The following PCDHGA11 variants were observed in gnomAD, a reference collection of about 807,000 sequenced individuals.
PCDHGA11 encodes the protein protocadherin gamma subfamily A, 11.
PCDHGA11 carries 39 observed loss-of-function variants against 60.4 expected under a neutral mutation model. That is an observed-to-expected ratio of 0.65 (90% confidence interval 0.50 to 0.84). The LOEUF is 0.84. Ranked by LOEUF, PCDHGA11 falls within the 40% of genes least tolerant of loss-of-function variation. The probability of loss-of-function intolerance (pLI) is 0.00; values close to 1 mark genes in which losing one functional copy is unlikely to be tolerated. For synonymous variants in PCDHGA11, 533 were observed against 510.3 expected (o/e 1.04, Z -0.60); for missense variants, 1,165 against 1,197.7 (o/e 0.97, Z 0.40).
chr5:141,475,938 G>T (rs756781296), intron 1 of PCDHGA11: 22 of 682,776 alleles, frequency 3.2e-5, no homozygotes, highest in African/African-American at 7.2e-5. Flanking sequence ...GCCCCTGCCC[G>T]TCCCCTTTCT....
At chr5:141,469,543 C>G (rs1031152008) in intron 1 of PCDHGA11, among the ~76,000 whole-genome samples, 4 of 152,040 alleles carry the variant, frequency 2.6e-5, no homozygotes, top group Non-Finnish European at 4.4e-5. Flanking sequence ...CCACTGCACT[C>G]CAGCCTGGCG....
chr5:141,425,559 G>A (rs1180113940), intron 1 of PCDHGA11, among the ~76,000 whole-genome samples: 2 of 152,176 alleles, frequency 1.3e-5, no homozygotes, highest in East Asian at 3.9e-4. Context: ...TCTTTTATAA[G>A]TGATAAGAAG....
At chr5:141,478,488 G>A in intron 1 of PCDHGA11, 1 of 1,613,320 alleles carries the variant, frequency 6.2e-7, no homozygotes, top group Non-Finnish European at 8.5e-7. Context: ...ACGCTGCGGA[G>A]CTGTGATCCG....
chr5:141,485,383 G>C lies in PCDHGA11; in HGVS notation c.2434-9424G>C. 6.2e-7 allele frequency: 1 copy of C among 1,614,128 alleles called. No individual in the cohort carries two copies. Among genetic ancestry groups the C allele is most frequent in the Non-Finnish European group, 8.5e-7 (1 of 1,180,020 alleles). On this transcript the variant is annotated intron_variant, in intron 1 of 3. Coordinates refer to ENST00000398587, the MANE Select transcript of PCDHGA11 (RefSeq NM_018914.3). The surrounding 1 kb of genome is among the most constrained non-coding windows in gnomAD (Gnocchi z 5.7). Reference sequence around the variant, plus strand: ...GCAGGCTGCAGGTCGCTGGAGAGGTGAACCAAAGACACTTCCGTGTGGATT... The same window carrying C: ...GCAGGCTGCAGGTCGCTGGAGAGGTCAACCAAAGACACTTCCGTGTGGATT...
At chr5:141,443,109 C>A (rs373919534) in intron 1 of PCDHGA11, among the ~76,000 whole-genome samples, 2 of 152,100 alleles carry the variant, frequency 1.3e-5, no homozygotes, top group South Asian at 2.1e-4. Flanking sequence ...CTGAACCTTG[C>A]TTTTCAAACC....
chr5:141,432,969 C>T lies in PCDHGA11; in HGVS notation c.2433+9309C>T, dbSNP rs754836894. On this transcript the variant is annotated intron_variant, in intron 1 of 3. Coordinates refer to ENST00000398587, the MANE Select transcript of PCDHGA11 (RefSeq NM_018914.3). The surrounding 1 kb of genome is among the most constrained non-coding windows in gnomAD (Gnocchi z 6.0). ...GGAGGCGGCTTGACAGGAGCGCCGG[C>T]GTCGCACTTTGTGGGCGTGGACGGG... The T allele has an allele frequency of 3.7e-6, 6 of 1,614,030 alleles. No individual in the cohort carries two copies. In the African/African-American group the frequency reaches 8.0e-5, roughly 22 times the overall value.
In PCDHGA11 at chr5:141,476,401, G is replaced by A. The variant is rs772438777; in HGVS notation, c.2434-18406G>A. The A allele has an allele frequency of 1.9e-6, 3 of 1,614,054 alleles. No individual in the cohort carries two copies. Among genetic ancestry groups the A allele is most frequent in the African/African-American group, 2.7e-5 (2 of 74,926 alleles). On this transcript the variant is annotated intron_variant, in intron 1 of 3. Coordinates refer to ENST00000398587, the MANE Select transcript of PCDHGA11 (RefSeq NM_018914.3). This position sits in a 1 kb window ranked among gnomAD's most constrained non-coding sequence, Gnocchi z 7.6. ...TTGTGAACGACCGTCTGGATCGAGA[G>A]GAGCTGTGTGGGACACTGCCCTCTT...
In PCDHGA11 at chr5:141,421,492, G is replaced by C; in HGVS notation, c.265G>C (p.Gly89Arg). 1.7e-5 allele frequency: 28 copies of C among 1,614,106 alleles called. No individual in the cohort carries two copies. Among genetic ancestry groups the C allele is most frequent in the Non-Finnish European group, 2.3e-5 (27 of 1,179,922 alleles). Residue 89 changes from glycine to arginine, a missense_variant, in exon 1 of 4, where the codon GGC becomes CGC. Physicochemically the swap from Gly to Arg is moderately radical, Grantham distance 125. Coordinates refer to ENST00000398587, the MANE Select transcript of PCDHGA11 (RefSeq NM_018914.3). ...NPRSGSLITA[G>R]RIDREELCET... ...GCGAAGCGGCAGCTTGATCACGGCA[G>C]GCAGGATAGACCGGGAGGAGCTCTG...
intron 2 of PCDHGA11, among the ~76,000 whole-genome samples, chr5:141,501,988 T>C (rs2099812189): frequency 6.6e-6 from 1 of 152,056 alleles, no homozygotes; most frequent in Non-Finnish European, 1.5e-5. Flanking sequence ...GGTCCCGTTG[T>C]CTCCCTGACA....
chr5:141,507,522 C>G (rs560304194), intron 3 of PCDHGA11, among the ~76,000 whole-genome samples: 365 of 152,096 alleles, frequency 2.4e-3, no homozygotes, highest in African/African-American at 8.1e-3. Context: ...GCTATGATTC[C>G]AGAGAGGCCA....
intron 1 of PCDHGA11, among the ~76,000 whole-genome samples, chr5:141,455,783 T>G (rs1475277198): frequency 1.3e-5 from 2 of 152,066 alleles, no homozygotes; most frequent in Non-Finnish European, 2.9e-5. Context: ...AAAAGAAACT[T>G]TTCCGGAGAT....
rs748017565 is a variant in PCDHGA11 at position 141,477,404 on chromosome 5, C to G, written c.2434-17403C>G. ...AGAATACAACCTCAGCATCACCGCCCGAGACGCCGGAACCCCTTCCCTCTC... is the reference window on the plus strand; with the variant it reads ...AGAATACAACCTCAGCATCACCGCCGGAGACGCCGGAACCCCTTCCCTCTC... On this transcript the variant is annotated intron_variant, in intron 1 of 3. Coordinates refer to ENST00000398587, the MANE Select transcript of PCDHGA11 (RefSeq NM_018914.3). The surrounding 1 kb of genome is among the most constrained non-coding windows in gnomAD (Gnocchi z 4.9). The G allele has an allele frequency of 1.9e-6, 3 of 1,614,042 alleles. No homozygotes were observed. Among genetic ancestry groups the G allele is most frequent in the African/African-American group, 1.3e-5 (1 of 74,902 alleles).
rs1244735686 is a variant in PCDHGA11 at position 141,432,142 on chromosome 5, C to A, written c.2433+8482C>A. 1 of 1,614,098 alleles carries A rather than the reference C, an allele frequency of 6.2e-7. No homozygotes were observed. The highest frequency in any genetic ancestry group is 1.1e-5 in the South Asian group (1 of 91,066). On this transcript the variant is annotated intron_variant, in intron 1 of 3. Transcript: ENST00000398587. This position sits in a 1 kb window ranked among gnomAD's most constrained non-coding sequence, Gnocchi z 6.0. ...CTCAGGCCTCCTATTCCGCTTATAT[C>A]CCAGAGAACAATCCCAGAGGAGTTT...
chr5:141,451,322 T>C (rs1452969719), intron 1 of PCDHGA11, among the ~76,000 whole-genome samples: 1 of 152,236 alleles, frequency 6.6e-6, no homozygotes, highest in African/African-American at 2.4e-5. Flanking sequence ...AAGTGTCACC[T>C]AAGGCTATTG....
intron 1 of PCDHGA11, among the ~76,000 whole-genome samples, chr5:141,484,281 C>T (rs969039536): frequency 6.6e-6 from 1 of 152,202 alleles, no homozygotes; most frequent in Admixed American, 6.5e-5. Context: ...TGTTTTGAAA[C>T]ATCTCCCTCT....
rs1289333371 is a variant in PCDHGA11, at chr5:141,460,404, G to C, written c.2434-34403G>C. Among the ~76,000 whole-genome samples, 21 of 152,038 alleles carry C rather than the reference G, an allele frequency of 1.4e-4. 1 individual carries two copies. The highest frequency in any genetic ancestry group is 1.4e-3 in the Admixed American group (21 of 15,256). Reference sequence around the variant, plus strand: ...TATAATTTGGTCTATGAATCCTTTTGAGTTGATGTTTATGTATGGTGTATG... The same window carrying C: ...TATAATTTGGTCTATGAATCCTTTTCAGTTGATGTTTATGTATGGTGTATG... On this transcript the variant is annotated intron_variant, in intron 1 of 3. Transcript: ENST00000398587.
chr5:141,422,608 T>A lies in PCDHGA11; in HGVS notation c.1381T>A (p.Tyr461Asn). The part of the protein sequence containing the change: ...PVFPHSSYSA[Y>N]IPENNPRGAS... ...TTTTCCTCACTCCTCTTACTCTGCC[T>A]ACATTCCCGAAAACAACCCCAGGGG... The change falls in exon 1 of 4, where the codon TAC becomes AAC. Residue 461 changes from tyrosine to asparagine, a missense_variant. By Grantham distance (143) the Tyr-to-Asn change is moderately radical (BLOSUM62 -2). Transcript: ENST00000398587. 8 of 1,613,956 alleles carry A rather than the reference T, an allele frequency of 5.0e-6. No individual in the cohort carries two copies. The highest frequency in any genetic ancestry group is 5.1e-6 in the Non-Finnish European group (6 of 1,179,926).
intron 1 of PCDHGA11, among the ~76,000 whole-genome samples, chr5:141,450,829 A>AT (rs373424450): frequency 7.2e-4 from 97 of 135,128 alleles, no homozygotes; most frequent in East Asian, 1.8e-3. Flanking sequence ...TATTATTATT[A>AT]TTTTTTTTTT....
At position 141,505,417 on chromosome 5, in the gene PCDHGA11, C is replaced by T; in HGVS notation, c.2517C>T (p.Gly839=). The change falls in exon 3 of 4, where the codon GGC becomes GGT. Residue 839 remains glycine, a synonymous_variant. Coordinates refer to ENST00000398587, the MANE Select transcript of PCDHGA11 (RefSeq NM_018914.3). ...TSGSQNGDDT[G]TWPNNQFDTE... is the part of the protein sequence containing the mutation. ...GCTCCCAAAATGGCGATGACACCGG[C>T]ACCTGGCCCAACAACCAGTTTGACA... 1 of 1,614,212 alleles carries T rather than the reference C, an allele frequency of 6.2e-7. No individual in the cohort carries two copies. Among genetic ancestry groups the T allele is most frequent in the Non-Finnish European group, 8.5e-7 (1 of 1,180,024 alleles).
Sources: allele counts gnomAD v4.1 joint callset (sites outside exome capture counted in the v4.1 genomes callset), GRCh38; gene constraint gnomAD v4.1.1; non-coding constraint Gnocchi (gnomAD v3.1); transcripts MANE v1.5; gene names NCBI Gene and HGNC (gene_info 2026-07-23, HGNC 2026-07-21).